The following DCC variants were observed in gnomAD, a reference collection of about 807,000 sequenced individuals.
DCC encodes DCC netrin 1 receptor, also known as netrin receptor DCC.
A neutral mutation model predicts 172.5 loss-of-function variants in DCC; 58 were observed. That is an observed-to-expected ratio of 0.34 (90% CI 0.27 to 0.42). The LOEUF is 0.42. Ranked by LOEUF, DCC falls within the 10% of genes least tolerant of loss-of-function variation. The pLI, the probability that DCC is intolerant of heterozygous loss-of-function variation, is 1.00. For missense variants in DCC, 1,740 were observed against 1,791.0 expected, an observed-to-expected ratio of 0.97 and a Z score of 0.51; for synonymous variants, 709 against 644.5, an observed-to-expected ratio of 1.10 and a Z score of -1.52.
At chr18:53,037,709 G>C (rs191708775) in intron 5 of DCC, among the ~76,000 whole-genome samples, 7 of 151,934 alleles carry the variant, frequency 4.6e-5, no homozygotes, top group Non-Finnish European at 8.8e-5. Flanking sequence ...CTGAAAGCCC[G>C]GTCTTTGAAA....
intron 27 of DCC, among the ~76,000 whole-genome samples, chr18:53,513,368 G>A (rs886845290): frequency 1.3e-5 from 2 of 152,196 alleles, no homozygotes; most frequent in African/African-American, 4.8e-5. Flanking sequence ...ATGCCAAAAT[G>A]TAAAGACCAT....
intron 2 of DCC, among the ~76,000 whole-genome samples, chr18:52,836,237 G>A (rs1056057337): frequency 1.3e-5 from 2 of 152,134 alleles, no homozygotes; most frequent in Admixed American, 1.3e-4. Flanking sequence ...GATTTGCATA[G>A]GGACATAGCC....
chr18:53,073,086 G>C (rs1196270094), intron 7 of DCC, among the ~76,000 whole-genome samples: 1 of 152,128 alleles, frequency 6.6e-6, no homozygotes, highest in Non-Finnish European at 1.5e-5. Context: ...TTTTAAGCAA[G>C]CATGGTTTCT....
intron 7 of DCC, among the ~76,000 whole-genome samples, chr18:53,111,457 A>G (rs2043331104): frequency 6.8e-6 from 1 of 147,712 alleles, no homozygotes. Flanking sequence ...AAAAAAAAAA[A>G]GAGAGACCAC....
intron 2 of DCC, chr18:52,892,582 G>GT (rs1445892558): frequency 6.6e-6 from 1 of 152,114 alleles, no homozygotes; most frequent in Non-Finnish European, 1.5e-5. Context: ...TCAGGCTTTT[G>GT]TGGTGAGCTT....
intron 5 of DCC, among the ~76,000 whole-genome samples, chr18:53,014,383 TA>T (rs1305094163): frequency 6.6e-6 from 1 of 151,118 alleles, no homozygotes; most frequent in Non-Finnish European, 1.5e-5. Context: ...CTGCACCCAG[TA>T]ACTCATCATT....
chr18:52,815,331 C>CATAAGGA (rs2038273304), intron 2 of DCC, among the ~76,000 whole-genome samples: 1 of 151,912 alleles, frequency 6.6e-6, no homozygotes, highest in Non-Finnish European at 1.5e-5. Context: ...AAGAGTGGGT[C>CATAAGGA]CCTAATCCGA....
intron 15 of DCC, among the ~76,000 whole-genome samples, chr18:53,363,486 C>A (rs971250579): frequency 8.5e-5 from 13 of 152,122 alleles, no homozygotes; most frequent in African/African-American, 3.1e-4. Context: ...TAAAGGTATG[C>A]AAGGGACAGA....
At position 52,906,031 on chromosome 18, in the gene DCC, G is replaced by T; in HGVS notation, c.413-13G>T. 1 of 1,570,766 alleles carries T rather than the reference G, an allele frequency of 6.4e-7. No homozygotes were observed. Among genetic ancestry groups the T allele is most frequent in the East Asian group, 2.2e-5 (1 of 44,620 alleles). ...TTGGAAGACTTATTCTTCCTTCTTT[G>T]TTTTTCTCCTAGGACCACTGAGGTT... On this transcript the variant is annotated splice_polypyrimidine_tract_variant and intron_variant, in intron 2 of 28. Coordinates refer to ENST00000442544, the MANE Select transcript of DCC (RefSeq NM_005215.4).
intron 1 of DCC, among the ~76,000 whole-genome samples, chr18:52,356,029 T>C (rs531883176): frequency 6.6e-6 from 1 of 152,168 alleles, no homozygotes; most frequent in Admixed American, 6.6e-5. Flanking sequence ...ATCTCATCAC[T>C]AGCAATGACT....
intron 8 of DCC, among the ~76,000 whole-genome samples, chr18:53,166,584 C>T (rs2054925854): frequency 6.6e-6 from 1 of 152,160 alleles, no homozygotes; most frequent in South Asian, 2.1e-4. Context: ...CAAGATATAG[C>T]TCATTATTTG....
At chr18:52,627,204 C>T (rs1237775) in intron 1 of DCC, among the ~76,000 whole-genome samples, 29,242 of 152,160 alleles carry the variant, frequency 0.19, 3,139 homozygotes, top group Admixed American at 0.25. Context: ...ACTTTTCCTC[C>T]TTTGCAGTTA....
At chr18:53,464,366 A>T (rs1028927557) in intron 24 of DCC, among the ~76,000 whole-genome samples, 23 of 152,230 alleles carry the variant, frequency 1.5e-4, no homozygotes, top group African/African-American at 5.5e-4. Context: ...AAAGAGCTAC[A>T]TAACACCAAA....
intron 2 of DCC, among the ~76,000 whole-genome samples, chr18:52,820,632 G>A (rs1042276087): frequency 8.5e-5 from 13 of 152,068 alleles, no homozygotes; most frequent in African/African-American, 2.7e-4. Context: ...ACAAGGGGCC[G>A]ACCAGAAATT....
intron 2 of DCC, among the ~76,000 whole-genome samples, chr18:52,808,284 C>T (rs552301482): frequency 1.3e-5 from 2 of 152,274 alleles, no homozygotes; most frequent in East Asian, 3.9e-4. Context: ...CTTGTTCCTT[C>T]ATGGTAGACT....
At chr18:52,613,139 T>C (rs10469011) in intron 1 of DCC, among the ~76,000 whole-genome samples, 48,442 of 152,142 alleles carry the variant, frequency 0.32, 8,870 homozygotes, top group Middle Eastern at 0.46. Context: ...ATTTGCATGA[T>C]TTTTATTATT....
In DCC at chr18:53,022,697, T is replaced by C. The variant is rs367988129; in HGVS notation, c.986-40608T>C. ...GCAGATTATTTTTCTCCTTTTGCCCTGTTGGTAGAACTACTAACCCTATGA... is the reference window on the plus strand; with the variant it reads ...GCAGATTATTTTTCTCCTTTTGCCCCGTTGGTAGAACTACTAACCCTATGA... On this transcript the variant is annotated intron_variant, in intron 5 of 28. Coordinates refer to ENST00000442544, the MANE Select transcript of DCC (RefSeq NM_005215.4). Among the ~76,000 whole-genome samples the C allele has an allele frequency of 5.9e-5, 9 of 152,146 alleles. No individual in the cohort carries two copies. In the East Asian group the frequency reaches 1.7e-3, roughly 29 times the overall value.
chr18:52,378,439 A>G (rs1220163500), intron 1 of DCC, among the ~76,000 whole-genome samples: 3 of 151,986 alleles, frequency 2.0e-5, no homozygotes, highest in Non-Finnish European at 2.9e-5. Flanking sequence ...AGGAACTACA[A>G]GGAACATAAG....
At chr18:53,501,884 G>T (rs62098326) in intron 27 of DCC, among the ~76,000 whole-genome samples, 5 of 150,302 alleles carry the variant, frequency 3.3e-5, no homozygotes, top group Non-Finnish European at 7.4e-5. Flanking sequence ...TTTTTTACTA[G>T]TTATTTTCTT....
Sources: gnomAD v4.1 joint callset for allele counts (sites outside exome capture counted in the v4.1 genomes callset) on GRCh38, gnomAD v4.1.1 for gene constraint, MANE v1.5 for transcripts, NCBI Gene and HGNC (gene_info 2026-07-23, HGNC 2026-07-21) for gene names.